The following PHLPP1 variants were observed in gnomAD, a reference collection of about 807,000 sequenced individuals.
PHLPP1 encodes PH domain leucine-rich repeat-containing protein phosphatase 1.
A neutral mutation model predicts 117.2 loss-of-function variants in PHLPP1; 42 were observed. The ratio of observed to expected loss-of-function variants is 0.36; its 90% confidence interval spans 0.28 to 0.46. The LOEUF is 0.46. Ranked by LOEUF, PHLPP1 falls within the 20% of genes least tolerant of loss-of-function variation. The pLI is 1.00. For synonymous variants in PHLPP1, 1,042 were observed against 970.7 expected, an observed-to-expected ratio of 1.07 and a Z score of -1.37; for missense variants, 2,084 against 2,241.9, an observed-to-expected ratio of 0.93 and a Z score of 1.42.
At chr18:62,935,220 C>T (rs964950621) in intron 10 of PHLPP1, among the ~76,000 whole-genome samples, 1 of 152,052 alleles carries the variant, frequency 6.6e-6, no homozygotes, top group Non-Finnish European at 1.5e-5. Flanking sequence ...AATCAAAAGC[C>T]TTTGTATACA....
chr18:62,752,313 C>T (rs1256700291), intron 1 of PHLPP1, among the ~76,000 whole-genome samples: 1 of 152,146 alleles, frequency 6.6e-6, no homozygotes, highest in African/African-American at 2.4e-5. Flanking sequence ...GGAGTTGACA[C>T]AGAGAAGCAG....
At chr18:62,962,171 C>T (rs1011189771) in intron 13 of PHLPP1, among the ~76,000 whole-genome samples, 1 of 152,184 alleles carries the variant, frequency 6.6e-6, no homozygotes, top group Admixed American at 6.5e-5. Context: ...ACTTATTTCA[C>T]CTTGTGGTAG....
chr18:62,938,047 T>G (rs1353593664), intron 10 of PHLPP1, among the ~76,000 whole-genome samples: 1 of 151,960 alleles, frequency 6.6e-6, no homozygotes, highest in Non-Finnish European at 1.5e-5. Flanking sequence ...AGGTCTGTGG[T>G]GTCTGTGGAA....
At chr18:62,892,537 G>A (rs939531112) in intron 4 of PHLPP1, among the ~76,000 whole-genome samples, 16 of 151,992 alleles carry the variant, frequency 1.1e-4, no homozygotes, top group Non-Finnish European at 4.4e-5. Context: ...TTAGGTGTGC[G>A]GAAGAAAGTG....
intron 7 of PHLPP1, among the ~76,000 whole-genome samples, chr18:62,904,108 A>T (rs1916790055): frequency 6.6e-6 from 1 of 152,240 alleles, no homozygotes; most frequent in South Asian, 2.1e-4. Context: ...TATCTCAGAA[A>T]AACAAGCCAA....
intron 1 of PHLPP1, among the ~76,000 whole-genome samples, chr18:62,757,792 G>A (rs1194729591): frequency 2.6e-5 from 4 of 152,070 alleles, no homozygotes; most frequent in East Asian, 1.9e-4. Context: ...CTCTTTTTGC[G>A]GCTTGCTCTT....
chr18:62,866,067 C>G (rs977059866), intron 4 of PHLPP1, among the ~76,000 whole-genome samples: 51 of 152,110 alleles, frequency 3.4e-4, no homozygotes, highest in African/African-American at 1.1e-3. Context: ...ACCTAATGCT[C>G]TCTTTTAAAG....
intron 10 of PHLPP1, among the ~76,000 whole-genome samples, chr18:62,931,215 A>AACG (rs1909797695): frequency 6.6e-6 from 1 of 151,750 alleles, no homozygotes; most frequent in Non-Finnish European, 1.5e-5. Flanking sequence ...AAACAACAAC[A>AACG]ACAACAATGA....
intron 10 of PHLPP1, 80 bp from the exon 11 acceptor site, chr18:62,941,638 T>C: frequency 1.1e-6 from 1 of 943,558 alleles, no homozygotes. Context: ...GCTTCTAATA[T>C]GCCTGGTATC....
At chr18:62,796,111 AT>A (rs777202593) in intron 1 of PHLPP1, among the ~76,000 whole-genome samples, 2 of 152,226 alleles carry the variant, frequency 1.3e-5, no homozygotes, top group Non-Finnish European at 2.9e-5. Flanking sequence ...ATAGCTTGTG[AT>A]TAATTCCTTG....
rs1568153167 is a variant in PHLPP1, at chr18:62,895,175, C to T, written c.2213+18C>T. 1.2e-6 allele frequency: 2 copies of T among 1,609,076 alleles called. No individual in the cohort carries two copies. Among genetic ancestry groups the T allele is most frequent in the South Asian group, 1.1e-5 (1 of 90,798 alleles). ...ATGCACAAGTGTGTACTTCAAACCC[C>T]ACTGGCGGGTATATCCAGAAGCCCC... On this transcript the variant is annotated intron_variant, in intron 5 of 16. Coordinates refer to ENST00000262719, the MANE Select transcript of PHLPP1 (RefSeq NM_194449.4).
chr18:62,773,683 A>G (rs1912865511), intron 1 of PHLPP1, among the ~76,000 whole-genome samples: 1 of 152,246 alleles, frequency 6.6e-6, no homozygotes, highest in African/African-American at 2.4e-5. Flanking sequence ...AATAACTGAA[A>G]TTTGAAAAGC....
At chr18:62,971,683 T>C (rs908124458) in intron 14 of PHLPP1, among the ~76,000 whole-genome samples, 3 of 152,174 alleles carry the variant, frequency 2.0e-5, no homozygotes, top group African/African-American at 4.8e-5. Flanking sequence ...CCAGGATTAC[T>C]GACCTGTGCT....
intron 1 of PHLPP1, chr18:62,824,200 G>A (rs781421022): frequency 4.4e-6 from 2 of 455,824 alleles, no homozygotes; most frequent in Non-Finnish European, 8.8e-6. Context: ...TGCTGGGGAT[G>A]TAAAATGGTA....
At chr18:62,763,329 C>T (rs960727211) in intron 1 of PHLPP1, among the ~76,000 whole-genome samples, 3 of 152,146 alleles carry the variant, frequency 2.0e-5, no homozygotes, top group African/African-American at 4.8e-5. Context: ...CTCTGACCTC[C>T]GGTGGAACTC....
chr18:62,964,185 A>G (rs1910844284), intron 14 of PHLPP1, among the ~76,000 whole-genome samples: 1 of 152,202 alleles, frequency 6.6e-6, no homozygotes, highest in African/African-American at 2.4e-5. Context: ...GTATAAGAAC[A>G]CAGAAGTATT....
intron 2 of PHLPP1, among the ~76,000 whole-genome samples, chr18:62,834,879 C>T (rs1303014803): frequency 6.6e-6 from 1 of 152,100 alleles, no homozygotes; most frequent in Non-Finnish European, 1.5e-5. Context: ...CCCTCTCCCA[C>T]TCCTCTCCAT....
chr18:62,899,748 G>C (rs1599110275), intron 6 of PHLPP1, among the ~76,000 whole-genome samples: 2 of 152,148 alleles, frequency 1.3e-5, no homozygotes, highest in African/African-American at 2.4e-5. Context: ...CAGGTCATTA[G>C]AGCCTTGATC....
chr18:62,805,883 C>CT lies in PHLPP1; in HGVS notation c.1577-24142dup, dbSNP rs879457002. 1.8e-3 allele frequency among the ~76,000 whole-genome samples: 247 copies of CT among 139,992 alleles called. 2 individuals are homozygous for CT. Among genetic ancestry groups the CT allele is most frequent in the African/African-American group, 5.4e-3 (206 of 37,952 alleles). The allele number at this position is 139,992 out of a possible 152,430, so 91.8% of individuals were successfully genotyped here. On this transcript the variant is annotated intron_variant, in intron 1 of 16. Coordinates refer to ENST00000262719, the MANE Select transcript of PHLPP1 (RefSeq NM_194449.4). ...CCATGCATATAGATTGCCAGTGTTG[C>CT]TTTTTTTTTTAATGTTTGAAATAAT... is the stretch of plus-strand genomic sequence containing the variant.
Sources: allele counts gnomAD v4.1 joint callset (sites outside exome capture counted in the v4.1 genomes callset), GRCh38; gene constraint gnomAD v4.1.1; transcripts MANE v1.5; gene names NCBI Gene and HGNC (gene_info 2026-07-23, HGNC 2026-07-21).